The following OTOA variants were observed in gnomAD, a reference collection of about 807,000 sequenced individuals.
The protein encoded by OTOA is cancer/testis antigen 108.
In OTOA, 70 loss-of-function variants were observed where a neutral mutation model predicts 110.8. The observed-to-expected ratio is 0.63, with a 90% CI of 0.52 to 0.77. OTOA has a LOEUF of 0.77. OTOA is among the 30% of genes least tolerant of loss of function. OTOA has a pLI of 0.00. For missense variants in OTOA, 917 were observed against 1,075.8 expected, an observed-to-expected ratio of 0.85 and a Z score of 2.06; for synonymous variants, 373 against 431.5, an observed-to-expected ratio of 0.86 and a Z score of 1.68.
chr16:21,715,294 C>T, intron 14 of OTOA, 142 bp downstream of exon 14: 1 of 1,069,528 alleles, frequency 9.3e-7, no homozygotes, highest in Non-Finnish European at 1.4e-6. Context: ...CTGCCTTCTC[C>T]TGGTGGCACA....
At position 21,726,546 on chromosome 16, in the gene OTOA, C is replaced by T; in HGVS notation, c.1904C>T (p.Pro635Leu). 1 of 1,613,990 alleles carries T rather than the reference C, an allele frequency of 6.2e-7. No homozygotes were observed. The highest frequency in any genetic ancestry group is 8.5e-7 in the Non-Finnish European group (1 of 1,180,026). Residue 635 changes from proline to leucine, a missense_variant, in exon 19 of 29, where the codon CCA (proline) becomes CTA (leucine). Physicochemically the swap from Pro to Leu is moderately conservative, Grantham distance 98. Coordinates refer to ENST00000646100, the MANE Select transcript of OTOA (RefSeq NM_144672.4). ...ALPARYLASV[P>L]ASQCVPFLIS... ...AGGGCCCGCTACCTGGCTTCTGTCC[C>T]AGCCTCCCAGTGTGTGCCCTTTCTG...
chr16:21,704,335 T>TTC (rs1472194191), intron 11 of OTOA, among the ~76,000 whole-genome samples: 1 of 152,132 alleles, frequency 6.6e-6, no homozygotes, highest in Non-Finnish European at 1.5e-5. Flanking sequence ...ATGGGGAGTT[T>TTC]TCTGTGGCTA....
chr16:21,733,933 G>A (rs1346255044), intron 21 of OTOA, among the ~76,000 whole-genome samples: 1 of 152,164 alleles, frequency 6.6e-6, no homozygotes, highest in Non-Finnish European at 1.5e-5. Flanking sequence ...CTGAGTAGCA[G>A]GGATTATAGG....
intron 9 of OTOA, 113 bp downstream of exon 9, chr16:21,691,800 C>A: frequency 1.0e-6 from 1 of 973,678 alleles, no homozygotes; most frequent in Non-Finnish European, 1.6e-6. Flanking sequence ...TTTTTACCAC[C>A]TCCCACTGCT....
intron 14 of OTOA, 119 bp downstream of exon 14, chr16:21,715,271 G>A (rs1898518227): frequency 2.2e-6 from 3 of 1,382,140 alleles, no homozygotes; most frequent in African/African-American, 1.4e-5. Flanking sequence ...AGCTGTTGGT[G>A]TCTGGGGTGG....
chr16:21,665,134 G>A (rs1053733859), intron 1 of OTOA, among the ~76,000 whole-genome samples: 1 of 152,166 alleles, frequency 6.6e-6, no homozygotes, highest in African/African-American at 2.4e-5. Flanking sequence ...AGCTGGTTAA[G>A]GTTTGGTTCA....
chr16:21,689,525 T>C (rs2141663145), intron 8 of OTOA, among the ~76,000 whole-genome samples: 1 of 152,192 alleles, frequency 6.6e-6, no homozygotes, highest in South Asian at 2.1e-4. Context: ...CAAACTGGCT[T>C]GAAGCAAAAA....
rs1162972509 is a variant in OTOA, at chr16:21,753,886, C to A, written c.3153+762C>A. Among the ~76,000 whole-genome samples the A allele has an allele frequency of 1.5e-5, 2 of 130,446 alleles. 1 individual carries two copies. 85.6% of individuals were successfully genotyped at this position (130,446 alleles called of 152,430 possible). A position where few individuals can be genotyped will look rare whatever the true frequency, so the allele number is the denominator to read the frequency against. ...GACCAGCCTGGCCAATGTGGTGAAA[C>A]CCCATCTCTATGAAAAATACAAAAT... On this transcript the variant is annotated intron_variant, in intron 27 of 28. Transcript: ENST00000646100.
chr16:21,719,310 T>C (rs1159069707), intron 16 of OTOA, 77 bp from the exon 17 acceptor site: 3 of 1,553,106 alleles, frequency 1.9e-6, no homozygotes, highest in African/African-American at 2.7e-5. Context: ...TATCTGATCA[T>C]ATCTGCCTTC....
intron 6 of OTOA, among the ~76,000 whole-genome samples, chr16:21,682,772 A>G (rs1223879532): frequency 2.8e-5 from 3 of 107,614 alleles, no homozygotes; most frequent in Admixed American, 9.6e-5. Flanking sequence ...AAGTTCTGAC[A>G]TATGTCTTCA....
At chr16:21,720,805 AAGGTGCTTTCCT>A (rs775055199) in intron 17 of OTOA, among the ~76,000 whole-genome samples, 1 of 152,178 alleles carries the variant, frequency 6.6e-6, no homozygotes, top group Non-Finnish European at 1.5e-5. Context: ...TGCCCCAGTG[AAGGTGCTTTCCT>A]AGGCTTCCAG....
Position 21,715,032 on chromosome 16 carries a change from G to T in OTOA, c.1368G>T (p.Gly456=). 1 of 1,614,188 alleles carries T rather than the reference G, an allele frequency of 6.2e-7. No individual in the cohort carries two copies. Among genetic ancestry groups the T allele is most frequent in the South Asian group, 1.1e-5 (1 of 91,084 alleles). ...GCCAGATGGGCGCACTGCTGGCTGG[G>T]GTCAGCACCCAGGCCTTCTGCAGCA... The part of the protein sequence containing the change: ...NVSQMGALLA[G]VSTQAFCSMK... The change falls in exon 14 of 29, where the codon GGG becomes GGT. Residue 456 remains glycine (G), a synonymous_variant. Coordinates refer to ENST00000646100, the MANE Select transcript of OTOA (RefSeq NM_144672.4).
intron 8 of OTOA, among the ~76,000 whole-genome samples, chr16:21,689,606 G>C (rs1897788175): frequency 6.6e-6 from 1 of 152,144 alleles, no homozygotes; most frequent in African/African-American, 2.4e-5. Context: ...TGGATCCAGA[G>C]ACTCAAATGA....
chr16:21,695,443 TA>T, intron 9 of OTOA, among the ~76,000 whole-genome samples: 1 of 152,104 alleles, frequency 6.6e-6, no homozygotes, highest in Admixed American at 6.6e-5. Flanking sequence ...AGTAATAAGT[TA>T]AAAAATAAAC....
intron 28 of OTOA, among the ~76,000 whole-genome samples, chr16:21,759,653 C>A (rs1319413086): frequency 3.3e-5 from 5 of 152,188 alleles, no homozygotes; most frequent in Admixed American, 2.6e-4. Context: ...GTAATCCCAG[C>A]ACTTTGGGAG....
At chr16:21,683,136 A>G (rs1417264822) in intron 6 of OTOA, among the ~76,000 whole-genome samples, 1 of 152,204 alleles carries the variant, frequency 6.6e-6, no homozygotes, top group East Asian at 1.9e-4. Flanking sequence ...CTGAGGACTC[A>G]GTAGGGAACA....
chr16:21,722,097 C>A (rs1051315254), intron 17 of OTOA, among the ~76,000 whole-genome samples: 17 of 127,688 alleles, frequency 1.3e-4, no homozygotes, highest in East Asian at 2.2e-4. Flanking sequence ...ACTAAAAATA[C>A]AAAAAAAAAA....
chr16:21,750,283 C>T (rs1326062651), intron 24 of OTOA, among the ~76,000 whole-genome samples: 1 of 144,116 alleles, frequency 6.9e-6, no homozygotes, highest in African/African-American at 2.5e-5. Context: ...CATGTTCATG[C>T]CTGCCTGTAA....
chr16:21,723,947 G>T (rs1421566640), intron 18 of OTOA, among the ~76,000 whole-genome samples: 1 of 152,178 alleles, frequency 6.6e-6, no homozygotes, highest in East Asian at 1.9e-4. Context: ...GAACCAATCA[G>T]TGAGGTTGGG....
Sources: allele counts gnomAD v4.1 joint callset (sites outside exome capture counted in the v4.1 genomes callset), GRCh38; gene constraint gnomAD v4.1.1; transcripts MANE v1.5; gene names NCBI Gene and HGNC (gene_info 2026-07-23, HGNC 2026-07-21).